ZNF385D: variants seen among roughly 807,000 people sequenced by gnomAD.
ZNF385D encodes zinc finger protein 385D.
Under a neutral mutation model 35.8 loss-of-function variants are expected in ZNF385D, and 15 were observed. The observed-to-expected ratio is 0.42, with a 90% CI of 0.28 to 0.64. The LOEUF (loss-of-function observed/expected upper bound fraction) is 0.64, where lower values mean the gene tolerates loss of function less well. Ranked by LOEUF, ZNF385D falls within the 30% of genes least tolerant of loss-of-function variation. The pLI, the probability that ZNF385D is intolerant of heterozygous loss-of-function variation, is 0.23. For missense variants in ZNF385D, 474 were observed against 494.6 expected (o/e 0.96, Z 0.39); for synonymous variants, 212 against 186.8 (o/e 1.13, Z -1.10).
rs562773530 is a variant in ZNF385D at position 22,254,418 on chromosome 3, A to C, written c.107-85383T>G. On this transcript the variant is annotated intron_variant, in intron 2 of 5. Coordinates refer to the ZNF385D transcript ENST00000494108. ...CCTGAAGAAAAAACTGACATTTACT[A>C]TCAGAAATATTTAATCTGCATATTT... is the stretch of plus-strand genomic sequence containing the variant. Among the ~76,000 whole-genome samples the C allele has an allele frequency of 2.6e-5, 4 of 151,890 alleles. No homozygotes were observed. In the Admixed American group the frequency reaches 2.6e-4, roughly 10 times the overall value.
intron 3 of ZNF385D, among the ~76,000 whole-genome samples, chr3:22,137,702 C>CA (rs1272673457): frequency 1.3e-5 from 2 of 152,098 alleles, no homozygotes; most frequent in Non-Finnish European, 2.9e-5. Context: ...GACAAACCCA[C>CA]GGCCAATATC....
At chr3:21,890,867 G>T (rs913703002) in intron 3 of ZNF385D, among the ~76,000 whole-genome samples, 2 of 152,080 alleles carry the variant, frequency 1.3e-5, no homozygotes, top group African/African-American at 4.8e-5. Context: ...AACTTTCAGT[G>T]GTTTCAAACC....
intron 3 of ZNF385D, among the ~76,000 whole-genome samples, chr3:21,984,539 A>G: frequency 2.4e-5 from 3 of 122,864 alleles, no homozygotes; most frequent in African/African-American, 6.7e-5. Flanking sequence ...CTGTTTTGGT[A>G]CCAGTACCAT....
At chr3:21,893,005 C>T (rs1453880588) in intron 3 of ZNF385D, among the ~76,000 whole-genome samples, 1 of 151,980 alleles carries the variant, frequency 6.6e-6, no homozygotes, top group African/African-American at 2.4e-5. Flanking sequence ...CAATAAACTC[C>T]AATCAGAAAA....
At chr3:21,902,393 T>G (rs1231097955) in intron 3 of ZNF385D, among the ~76,000 whole-genome samples, 2 of 152,096 alleles carry the variant, frequency 1.3e-5, no homozygotes, top group Admixed American at 1.3e-4. Context: ...GAAACAAAAA[T>G]AGAGATCGAT....
At chr3:22,325,526 C>T (rs1255210844) in intron 2 of ZNF385D, among the ~76,000 whole-genome samples, 3 of 152,078 alleles carry the variant, frequency 2.0e-5, no homozygotes, top group South Asian at 2.1e-4. Flanking sequence ...CACCTTGGGA[C>T]GCTGAGGTGG....
chr3:21,881,054 G>A (rs556002352), intron 3 of ZNF385D, among the ~76,000 whole-genome samples: 172 of 152,048 alleles, frequency 1.1e-3, no homozygotes, highest in African/African-American at 3.1e-3. Context: ...AAGGAAAGAA[G>A]CCATGTTCAT....
At chr3:22,336,890 T>TATGCAA (rs1243438455) in intron 2 of ZNF385D, among the ~76,000 whole-genome samples, 1 of 76,390 alleles carries the variant, frequency 1.3e-5, no homozygotes, top group Non-Finnish European at 2.5e-5. Context: ...TTGAAACCAC[T>TATGCAA]ATGCAAACAG....
chr3:22,285,767 CT>C (rs2125388502), intron 2 of ZNF385D, among the ~76,000 whole-genome samples: 1 of 152,156 alleles, frequency 6.6e-6, no homozygotes, highest in South Asian at 2.1e-4. Flanking sequence ...TTAACATTCA[CT>C]TTGTCTTCAC....
At chr3:22,099,248 T>C (rs1380768409) in intron 3 of ZNF385D, among the ~76,000 whole-genome samples, 1 of 152,104 alleles carries the variant, frequency 6.6e-6, no homozygotes, top group Non-Finnish European at 1.5e-5. Flanking sequence ...TGTTATGGCA[T>C]ATACCCACAT....
At chr3:22,329,270 C>T (rs1353379947) in intron 2 of ZNF385D, among the ~76,000 whole-genome samples, 2 of 151,906 alleles carry the variant, frequency 1.3e-5, no homozygotes, top group Non-Finnish European at 2.9e-5. Flanking sequence ...CTTATTTCTT[C>T]TCTTTCTTGA....
At chr3:21,508,484 G>A (rs746278757) in intron 4 of ZNF385D, among the ~76,000 whole-genome samples, 2 of 151,962 alleles carry the variant, frequency 1.3e-5, no homozygotes, top group Non-Finnish European at 2.9e-5. Flanking sequence ...AAATGACTAG[G>A]AGAGACCAGA....
intron 3 of ZNF385D, among the ~76,000 whole-genome samples, chr3:21,996,923 A>T (rs1695499739): frequency 6.6e-6 from 1 of 152,226 alleles, no homozygotes; most frequent in Admixed American, 6.5e-5. Flanking sequence ...TTGTCAACTG[A>T]TAGCAATTGA....
In ZNF385D at chr3:22,044,093, CTTT is replaced by C. The variant is rs5847157; in HGVS notation, c.325+124721_325+124723del. Among the ~76,000 whole-genome samples the C allele has an allele frequency of 7.0e-3, 1,034 of 146,806 alleles. 12 individuals are homozygous for C. The highest frequency in any genetic ancestry group is 0.023 in the African/African-American group (911 of 39,810). The stretch of plus-strand genomic sequence containing the variant: ...GATGAAACACGAAACCTGGGAAAAA[CTTT>C]TTTTTTTTTTTTAATGTAATGGCCT... On this transcript the variant is annotated intron_variant, in intron 3 of 5. Coordinates refer to the ZNF385D transcript ENST00000494108.
intron 3 of ZNF385D, among the ~76,000 whole-genome samples, chr3:21,543,987 C>G (rs1377075823): frequency 6.6e-6 from 1 of 152,106 alleles, no homozygotes; most frequent in Non-Finnish European, 1.5e-5. Flanking sequence ...CACCTAGCGA[C>G]TGGATTTTTT....
In ZNF385D at chr3:21,788,413, G is replaced by C. The variant is rs188951091; in HGVS notation, c.326-123385C>G. Among the ~76,000 whole-genome samples the C allele has an allele frequency of 3.3e-5, 5 of 152,076 alleles. No individual in the cohort carries two copies. In the East Asian group the frequency reaches 9.8e-4, roughly 30 times the overall value. ...GAATCGTTTAAACCTGGGAGGCAGAGGTTGCAGTGAGCTGAGACTGCACCC... is the reference window on the plus strand; with the variant it reads ...GAATCGTTTAAACCTGGGAGGCAGACGTTGCAGTGAGCTGAGACTGCACCC... On this transcript the variant is annotated intron_variant, in intron 3 of 5. Coordinates refer to the ZNF385D transcript ENST00000494108.
rs190651275 is a variant in ZNF385D, at chr3:21,824,872, T to C, written c.326-159844A>G. ...ACCATAGGGAAATGGTGGAGAAATATTGAATTGCTCCTTTTGCACTCTAAT... is the reference window on the plus strand; with the variant it reads ...ACCATAGGGAAATGGTGGAGAAATACTGAATTGCTCCTTTTGCACTCTAAT... On this transcript the variant is annotated intron_variant, in intron 3 of 5. Transcript: ENST00000494108. Among the ~76,000 whole-genome samples the C allele has an allele frequency of 4.1e-3, 623 of 152,332 alleles. 24 individuals are homozygous for C. The highest frequency in any genetic ancestry group is 6.0e-4 in the Non-Finnish European group (41 of 68,028).
chr3:21,753,065 A>G (rs2070178270), upstream of ZNF385D, among the ~76,000 whole-genome samples: 1 of 152,174 alleles, frequency 6.6e-6, no homozygotes, highest in Admixed American at 6.5e-5. Flanking sequence ...ACATTAAAGG[A>G]CTACCTTAAT....
intron 3 of ZNF385D, among the ~76,000 whole-genome samples, chr3:21,828,914 C>A (rs1694823042): frequency 6.6e-6 from 1 of 152,208 alleles, no homozygotes; most frequent in South Asian, 2.1e-4. Flanking sequence ...AGTACAAACT[C>A]TGGTTCCATC....
Sources: allele counts gnomAD v4.1 joint callset (sites outside exome capture counted in the v4.1 genomes callset), GRCh38; gene constraint gnomAD v4.1.1; transcripts MANE v1.5; gene names NCBI Gene and HGNC (gene_info 2026-07-23, HGNC 2026-07-21).